The following ZNRF3 variants were observed in gnomAD, a reference collection of about 807,000 sequenced individuals.
ZNRF3 encodes the protein E3 ubiquitin-protein ligase ZNRF3.
Under a neutral mutation model 72.5 loss-of-function variants are expected in ZNRF3, and 23 were observed. That is an observed-to-expected ratio of 0.32 (90% CI 0.23 to 0.45). The LOEUF is 0.45. Among genes scored for constraint, ZNRF3 ranks in the 20% least tolerant of loss-of-function variants. The pLI is 1.00. For synonymous variants in ZNRF3, 610 were observed against 545.3 expected (o/e 1.12, Z -1.65); for missense variants, 1,169 against 1,272.1 (o/e 0.92, Z 1.23).
chr22:28,897,169 G>GT (rs975145804), intron 1 of ZNRF3, among the ~76,000 whole-genome samples: 3 of 152,044 alleles, frequency 2.0e-5, no homozygotes, highest in African/African-American at 7.2e-5. Context: ...AAAATCTTTC[G>GT]TGGCGTCCTG....
chr22:29,000,915 A>C (rs1161252072), intron 2 of ZNRF3, among the ~76,000 whole-genome samples: 3 of 152,074 alleles, frequency 2.0e-5, no homozygotes, highest in Admixed American at 6.6e-5. Context: ...CAGCCTCCTG[A>C]GTAGCTGGGA....
At chr22:28,885,612 A>G (rs2033769955) in intron 1 of ZNRF3, among the ~76,000 whole-genome samples, 2 of 151,358 alleles carry the variant, frequency 1.3e-5, no homozygotes, top group African/African-American at 4.8e-5. Context: ...AAAAAAAAAA[A>G]AAGACGCTCT....
chr22:29,018,049 T>C (rs776599144), intron 2 of ZNRF3: 1 of 518,936 alleles, frequency 1.9e-6, no homozygotes, highest in Non-Finnish European at 3.8e-6. Context: ...GGGTGGAGCA[T>C]CTGGTGCTTG....
intron 2 of ZNRF3, among the ~76,000 whole-genome samples, chr22:29,018,943 G>C (rs1048658654): frequency 9.9e-5 from 15 of 151,130 alleles, no homozygotes; most frequent in African/African-American, 3.6e-4. Context: ...TGCCAGCTTG[G>C]CTGATCTCTG....
At chr22:28,992,568 CA>C (rs553164945) in intron 2 of ZNRF3, among the ~76,000 whole-genome samples, 90 of 152,218 alleles carry the variant, frequency 5.9e-4, no homozygotes, top group African/African-American at 1.9e-3. Context: ...CATCTTGGAT[CA>C]GGGGCTCACA....
intron 2 of ZNRF3, among the ~76,000 whole-genome samples, chr22:28,997,269 G>A (rs1206743147): frequency 1.3e-5 from 2 of 152,142 alleles, no homozygotes; most frequent in African/African-American, 4.8e-5. Context: ...GAAGCACGCT[G>A]CAACTATTTG....
chr22:29,003,248 G>A (rs1170102307), intron 2 of ZNRF3, among the ~76,000 whole-genome samples: 1 of 152,172 alleles, frequency 6.6e-6, no homozygotes, highest in Non-Finnish European at 1.5e-5. Context: ...TGGGCGCAGT[G>A]GCTCATGTCT....
At chr22:28,892,362 T>C (rs562855160) in intron 1 of ZNRF3, among the ~76,000 whole-genome samples, 152 of 152,320 alleles carry the variant, frequency 1.0e-3, no homozygotes, top group Non-Finnish European at 1.8e-3. Context: ...GCCTATAGGA[T>C]ACTGAAGAAC....
chr22:29,001,759 C>T (rs144295424), intron 2 of ZNRF3, among the ~76,000 whole-genome samples: 253 of 152,114 alleles, frequency 1.7e-3, no homozygotes, highest in Middle Eastern at 6.8e-3. Context: ...AGTGAGCCAC[C>T]GCGCCCAGCC....
At chr22:29,013,792 G>C (rs931744489) in intron 2 of ZNRF3, among the ~76,000 whole-genome samples, 1 of 152,176 alleles carries the variant, frequency 6.6e-6, no homozygotes, top group Non-Finnish European at 1.5e-5. Flanking sequence ...TAGATTACTT[G>C]TATAGGCCAT....
rs953202419 is a variant in ZNRF3 at position 29,020,761 on chromosome 22, T to G, written c.427-21734T>G. 4.4e-3 allele frequency among the ~76,000 whole-genome samples: 190 copies of G among 42,964 alleles called. 2 individuals carry two copies. The highest frequency in any genetic ancestry group is 0.013 in the African/African-American group (178 of 13,310). The allele number at this position is 42,964 out of a possible 152,430, so 28.2% of individuals were successfully genotyped here. On this transcript the variant is annotated intron_variant, in intron 2 of 8. Transcript: ENST00000544604. ...CAGATTTCATTGAGAGGGGCTTTGT[T>G]TTTGTGTGTGTGTGGGTGTGTGTGT... is the stretch of plus-strand genomic sequence containing the variant.
intron 6 of ZNRF3, among the ~76,000 whole-genome samples, chr22:29,047,728 A>G (rs1289912092): frequency 3.3e-5 from 5 of 152,208 alleles, no homozygotes; most frequent in Admixed American, 1.3e-4. Flanking sequence ...TGTACTAGAC[A>G]GGTCAGAAAA....
intron 2 of ZNRF3, among the ~76,000 whole-genome samples, chr22:29,003,990 T>C (rs1240458471): frequency 6.6e-6 from 1 of 152,260 alleles, no homozygotes; most frequent in African/African-American, 2.4e-5. Flanking sequence ...TTCAGAGATT[T>C]GGAGTTAAAA....
At chr22:28,973,351 A>G (rs568194671) in intron 1 of ZNRF3, among the ~76,000 whole-genome samples, 14 of 151,932 alleles carry the variant, frequency 9.2e-5, no homozygotes, top group Middle Eastern at 3.4e-3. Flanking sequence ...CATTTTGTCT[A>G]TTTTTTCCTT....
In ZNRF3 at chr22:29,048,085, T is replaced by G. The variant is rs1326800843; in HGVS notation, c.913-304T>G. 6.6e-6 allele frequency among the ~76,000 whole-genome samples: 1 copy of G among 152,082 alleles called. No individual in the cohort carries two copies. Among genetic ancestry groups the G allele is most frequent in the African/African-American group, 2.4e-5 (1 of 41,396 alleles). ...CCTCACTAGCAGGAGGACTCGGCCC[T>G]CCCTGGGTGGAGGCATGAGTGTGTT... On this transcript the variant is annotated intron_variant, in intron 6 of 8. Transcript: ENST00000544604. This position sits in a 1 kb window ranked among gnomAD's most constrained non-coding sequence, Gnocchi z 4.9.
At chr22:28,903,666 C>G (rs1454003324) in intron 1 of ZNRF3, among the ~76,000 whole-genome samples, 1 of 152,106 alleles carries the variant, frequency 6.6e-6, no homozygotes. Flanking sequence ...TGCCTACCTC[C>G]TCCTCTAACA....
At chr22:28,906,317 G>A (rs1431781926) in intron 1 of ZNRF3, among the ~76,000 whole-genome samples, 2 of 152,182 alleles carry the variant, frequency 1.3e-5, no homozygotes, top group East Asian at 1.9e-4. Context: ...ACAGTGATCT[G>A]TCTCCAAAAC....
chr22:28,930,293 A>C (rs1468718195), intron 1 of ZNRF3, among the ~76,000 whole-genome samples: 1 of 152,260 alleles, frequency 6.6e-6, no homozygotes, highest in Non-Finnish European at 1.5e-5. Context: ...GTGAGTCTGC[A>C]TAAACAGATC....
chr22:29,032,438 G>GGTTGGCCGGAGGA (rs1330754950), intron 2 of ZNRF3, among the ~76,000 whole-genome samples: 4 of 152,194 alleles, frequency 2.6e-5, no homozygotes, highest in African/African-American at 9.7e-5. Context: ...CTGGGGTCAA[G>GGTTGGCCGGAGGA]GTTGGCCGGA....
Sources: allele counts gnomAD v4.1 joint callset (sites outside exome capture counted in the v4.1 genomes callset), GRCh38; gene constraint gnomAD v4.1.1; non-coding constraint Gnocchi (gnomAD v3.1); transcripts MANE v1.5; gene names NCBI Gene and HGNC (gene_info 2026-07-23, HGNC 2026-07-21).